The following EML1 variants were observed in gnomAD, a reference collection of about 807,000 sequenced individuals.
EML1 encodes the protein EMAP like 1, also known as echinoderm microtubule-associated protein-like 1.
EML1 carries 27 observed loss-of-function variants against 110.4 expected under a neutral mutation model. The observed-to-expected ratio is 0.24, with a 90% CI of 0.18 to 0.34. EML1 has a LOEUF of 0.34. Ranked by LOEUF, EML1 falls within the 10% of genes least tolerant of loss-of-function variation. EML1 has a pLI of 1.00. For missense variants in EML1, 741 were observed against 1,030.9 expected, an observed-to-expected ratio of 0.72 and a Z score of 3.85; for synonymous variants, 344 against 385.8, an observed-to-expected ratio of 0.89 and a Z score of 1.27.
chr14:99,913,431 C>T (rs1435496719), intron 13 of EML1, among the ~76,000 whole-genome samples: 1 of 152,100 alleles, frequency 6.6e-6, no homozygotes. Flanking sequence ...CCTACCTCGG[C>T]CCCCCAAAGT....
chr14:99,813,697 G>GC (rs1386832564), intron 1 of EML1, among the ~76,000 whole-genome samples: 1 of 152,130 alleles, frequency 6.6e-6, no homozygotes, highest in Non-Finnish European at 1.5e-5. Flanking sequence ...GGCAGAGCAA[G>GC]ACTCTGTCTT....
intron 3 of EML1, among the ~76,000 whole-genome samples, chr14:99,872,440 G>C (rs571772287): frequency 2.6e-5 from 4 of 152,290 alleles, no homozygotes; most frequent in African/African-American, 7.2e-5. Flanking sequence ...ACATTCTAAG[G>C]CCTCTGTAGA....
chr14:99,802,099 CT>C (rs1300372632), intron 1 of EML1, among the ~76,000 whole-genome samples: 2 of 152,124 alleles, frequency 1.3e-5, no homozygotes, highest in African/African-American at 4.8e-5. Context: ...GTGAGAGCGT[CT>C]TTCTAGTCTG....
chr14:99,884,163 G>T (rs2059435180), intron 4 of EML1, among the ~76,000 whole-genome samples: 1 of 152,182 alleles, frequency 6.6e-6, no homozygotes. Flanking sequence ...TCGCCACAGT[G>T]GCAGCTGTGA....
At chr14:99,836,955 A>G (rs546657055) in intron 1 of EML1, among the ~76,000 whole-genome samples, 2 of 149,080 alleles carry the variant, frequency 1.3e-5, no homozygotes, top group Admixed American at 1.3e-4. Context: ...ATCAAGAACT[A>G]TTCCCAGCTC....
intron 1 of EML1, among the ~76,000 whole-genome samples, chr14:99,783,034 G>A (rs146314968): frequency 0.011 from 1,721 of 151,906 alleles, 26 homozygotes; most frequent in African/African-American, 0.039. Context: ...GGGTACATGT[G>A]CACAACATGA....
intron 1 of EML1, among the ~76,000 whole-genome samples, chr14:99,757,841 C>T (rs2057273948): frequency 6.6e-6 from 1 of 152,238 alleles, no homozygotes; most frequent in Non-Finnish European, 1.5e-5. Context: ...GAATACGCTT[C>T]TCTGCCAAAC....
intron 20 of EML1, 35 bp downstream of exon 20, chr14:99,937,947 AAG>A (rs1329537153): frequency 6.3e-7 from 1 of 1,584,180 alleles, no homozygotes; most frequent in Non-Finnish European, 8.7e-7. Flanking sequence ...GTTCCAACAA[AAG>A]AGTGTCTCCT....
intron 4 of EML1, among the ~76,000 whole-genome samples, chr14:99,884,385 T>C (rs566977473): frequency 2.0e-5 from 3 of 152,362 alleles, no homozygotes; most frequent in South Asian, 2.1e-4. Context: ...GCTGGACTTA[T>C]GGAGCACCTG....
At chr14:99,804,264 C>G (rs534719733) in intron 1 of EML1, among the ~76,000 whole-genome samples, 1 of 152,254 alleles carries the variant, frequency 6.6e-6, no homozygotes, top group Admixed American at 6.5e-5. Context: ...AGAGCTTGTG[C>G]TGTTAGAAGG....
chr14:99,817,828 G>C (rs994290457), intron 1 of EML1, among the ~76,000 whole-genome samples: 2 of 152,156 alleles, frequency 1.3e-5, no homozygotes, highest in Non-Finnish European at 2.9e-5. Flanking sequence ...AAACCTTCTC[G>C]TAAGTGCCAT....
chr14:99,934,388 G>C (rs2060429819), intron 17 of EML1, among the ~76,000 whole-genome samples: 1 of 152,228 alleles, frequency 6.6e-6, no homozygotes, highest in South Asian at 2.1e-4. Context: ...AGGCTGCCTT[G>C]GTCTTACATC....
chr14:99,763,036 G>A (rs1399752504), intron 1 of EML1, among the ~76,000 whole-genome samples: 1 of 152,126 alleles, frequency 6.6e-6, no homozygotes, highest in African/African-American at 2.4e-5. Flanking sequence ...TCATGGGGCA[G>A]GTCTTTCCCA....
intron 6 of EML1, among the ~76,000 whole-genome samples, chr14:99,895,843 A>G (rs941761391): frequency 1.3e-5 from 2 of 151,962 alleles, no homozygotes; most frequent in African/African-American, 4.8e-5. Context: ...AGGATCCAGG[A>G]GTTCAAGTCC....
intron 2 of EML1, among the ~76,000 whole-genome samples, chr14:99,858,802 C>T (rs372153622): frequency 4.8e-4 from 73 of 152,292 alleles, no homozygotes; most frequent in African/African-American, 1.7e-3. Flanking sequence ...GTTCTAAATA[C>T]AGACATCTTT....
At chr14:99,793,395 C>T, upstream of EML1, 1 of 1,000,926 alleles carries the variant, frequency 1.0e-6, no homozygotes. Context: ...CAGCGCCGGT[C>T]GCGGTCGGGC....
At chr14:99,755,508 G>A (rs940355118) in intron 1 of EML1, among the ~76,000 whole-genome samples, 3 of 152,172 alleles carry the variant, frequency 2.0e-5, no homozygotes, top group Non-Finnish European at 4.4e-5. Flanking sequence ...AGGCTTCCAA[G>A]TGCCTAGTGC....
chr14:99,833,292 T>C (rs1163183945), intron 1 of EML1, among the ~76,000 whole-genome samples: 1 of 152,248 alleles, frequency 6.6e-6, no homozygotes, highest in Non-Finnish European at 1.5e-5. Flanking sequence ...ATTGCCTTTG[T>C]ACTTTTGTTA....
At chr14:99,831,406 T>C (rs913377870) in intron 1 of EML1, among the ~76,000 whole-genome samples, 2 of 152,128 alleles carry the variant, frequency 1.3e-5, no homozygotes, top group African/African-American at 2.4e-5. Context: ...TGGGTAGAGG[T>C]TCCCCCCATC....
Sources: gnomAD v4.1 joint callset for allele counts (sites outside exome capture counted in the v4.1 genomes callset) on GRCh38, gnomAD v4.1.1 for gene constraint, MANE v1.5 for transcripts, NCBI Gene and HGNC (gene_info 2026-07-23, HGNC 2026-07-21) for gene names.